SCAI: variants seen among roughly 807,000 people sequenced by gnomAD.
The protein encoded by SCAI is protein SCAI.
SCAI carries 24 observed loss-of-function variants against 92.2 expected under a neutral mutation model. The observed-to-expected ratio is 0.26, with a 90% CI of 0.19 to 0.37. The LOEUF is 0.37. Among genes scored for constraint, SCAI ranks in the 10% least tolerant of loss-of-function variants. The probability of loss-of-function intolerance (pLI) is 1.00; values close to 1 mark genes in which losing one functional copy is unlikely to be tolerated. For missense variants in SCAI, 450 were observed against 736.2 expected, an observed-to-expected ratio of 0.61 and a Z score of 4.50; for synonymous variants, 261 against 258.6, an observed-to-expected ratio of 1.01 and a Z score of -0.09.
intron 2 of SCAI, among the ~76,000 whole-genome samples, chr9:125,096,349 C>T (rs1174666739): frequency 6.6e-6 from 1 of 152,154 alleles, no homozygotes; most frequent in African/African-American, 2.4e-5. Flanking sequence ...TACCTCCCAC[C>T]GGGTCCCTCC....
chr9:125,079,112 T>G (rs553770190), intron 2 of SCAI, among the ~76,000 whole-genome samples: 26 of 152,298 alleles, frequency 1.7e-4, no homozygotes, highest in African/African-American at 6.0e-4. Flanking sequence ...GATATTCATC[T>G]ATTTTGATAA....
intron 2 of SCAI, among the ~76,000 whole-genome samples, chr9:125,084,211 C>T (rs1229214341): frequency 3.5e-5 from 4 of 112,926 alleles, no homozygotes; most frequent in Non-Finnish European, 4.9e-5. Context: ...CGCTCTTTTG[C>T]CCAGGCCGGA....
At chr9:125,050,291 G>A (rs1833535126) in intron 3 of SCAI, among the ~76,000 whole-genome samples, 1 of 152,000 alleles carries the variant, frequency 6.6e-6, no homozygotes, top group Non-Finnish European at 1.5e-5. Flanking sequence ...GTGGGCGCAG[G>A]GGGATAGCAA....
chr9:124,968,295 C>A, intron 17 of SCAI: 1 of 1,182,702 alleles, frequency 8.5e-7, no homozygotes. Flanking sequence ...GGCTGGGCAT[C>A]AAGCGTCTTC....
At chr9:125,062,549 G>C (rs1042919292) in intron 2 of SCAI, among the ~76,000 whole-genome samples, 12 of 151,278 alleles carry the variant, frequency 7.9e-5, no homozygotes, top group Admixed American at 7.9e-4. Context: ...AAAGGAGTTC[G>C]AGACCAGCCT....
chr9:125,103,046 C>G (rs17336754), intron 2 of SCAI, among the ~76,000 whole-genome samples: 2,204 of 152,244 alleles, frequency 0.014, 24 homozygotes, highest in Non-Finnish European at 0.023. Flanking sequence ...GGTCTACAGT[C>G]ATTTTTCCAC....
chr9:125,096,813 G>A (rs570498585), intron 2 of SCAI, among the ~76,000 whole-genome samples: 1 of 152,300 alleles, frequency 6.6e-6, no homozygotes, highest in African/African-American at 2.4e-5. Context: ...AATCAAACAT[G>A]TGGTTCTCTT....
At chr9:125,090,043 C>G (rs1834400030) in intron 2 of SCAI, among the ~76,000 whole-genome samples, 1 of 152,134 alleles carries the variant, frequency 6.6e-6, no homozygotes, top group Non-Finnish European at 1.5e-5. Flanking sequence ...TTAGCCTAGA[C>G]AGCAAGCATG....
chr9:125,107,714 G>A (rs923528151), intron 2 of SCAI, among the ~76,000 whole-genome samples: 1 of 152,196 alleles, frequency 6.6e-6, no homozygotes, highest in African/African-American at 2.4e-5. Context: ...GCTGCAGTGA[G>A]TTATGATTGT....
intron 2 of SCAI, among the ~76,000 whole-genome samples, chr9:125,094,995 T>C (rs913568270): frequency 1.3e-5 from 2 of 152,220 alleles, no homozygotes; most frequent in Non-Finnish European, 2.9e-5. Flanking sequence ...TTAATTACTT[T>C]CACACACGAA....
intron 17 of SCAI, among the ~76,000 whole-genome samples, chr9:124,966,585 A>G (rs1831546476): frequency 1.3e-5 from 2 of 152,174 alleles, no homozygotes; most frequent in Non-Finnish European, 1.5e-5. Flanking sequence ...ACTAGTGTCT[A>G]CATATATTTT....
intron 14 of SCAI, among the ~76,000 whole-genome samples, chr9:124,987,042 C>CT (rs377179832): frequency 9.2e-4 from 139 of 151,906 alleles, no homozygotes; most frequent in African/African-American, 3.1e-3. Flanking sequence ...GACTGAGGGC[C>CT]TTTTTTTTGA....
At chr9:125,032,195 A>ATATATTTTTTTTT (rs1177865840) in intron 3 of SCAI, among the ~76,000 whole-genome samples, 16 of 99,450 alleles carry the variant, frequency 1.6e-4, no homozygotes, top group African/African-American at 6.2e-4. Context: ...ATATATATAT[A>ATATATTTTTTTTT]TTTTTTTTTT....
intron 3 of SCAI, among the ~76,000 whole-genome samples, chr9:125,041,375 A>G (rs12343243): frequency 0.021 from 3,272 of 152,302 alleles, 179 homozygotes; most frequent in Admixed American, 0.13. Context: ...GCTGTTAGGA[A>G]GATTGTATTA....
intron 2 of SCAI, among the ~76,000 whole-genome samples, chr9:125,087,202 T>C (rs1171035309): frequency 6.6e-6 from 1 of 152,226 alleles, no homozygotes; most frequent in Non-Finnish European, 1.5e-5. Flanking sequence ...AAAGACATGT[T>C]ATAGCTAAAT....
chr9:125,092,132 A>T (rs796603429), intron 2 of SCAI, among the ~76,000 whole-genome samples: 15 of 8,128 alleles, frequency 1.8e-3, no homozygotes, highest in African/African-American at 7.6e-3. Context: ...TCCGTCTCTT[A>T]AAAAAAAAAA....
chr9:125,098,226 T>C (rs569302727), intron 2 of SCAI, among the ~76,000 whole-genome samples: 1 of 152,090 alleles, frequency 6.6e-6, no homozygotes, highest in South Asian at 2.1e-4. Context: ...GGATAATTTT[T>C]TTTTATTTTT....
At position 125,035,730 on chromosome 9, in the gene SCAI, C is replaced by T. The variant is rs999172951; in HGVS notation, c.231-5991G>A. On this transcript the variant is annotated intron_variant, in intron 3 of 17. Coordinates refer to ENST00000336505, the MANE Select transcript of SCAI (RefSeq NM_001144877.3). Reference sequence around the variant, plus strand: ...TATCATCTATGATCAGCATTTAAAACGTGTGCTGCCAGTAGTTGACAATAT... The same window carrying T: ...TATCATCTATGATCAGCATTTAAAATGTGTGCTGCCAGTAGTTGACAATAT... Among the ~76,000 whole-genome samples, 6 of 152,100 alleles carry T rather than the reference C, an allele frequency of 3.9e-5. No individual in the cohort carries two copies. In the South Asian group the frequency reaches 1.0e-3, roughly 26 times the overall value.
At chr9:125,081,649 T>C (rs1221434889) in intron 2 of SCAI, among the ~76,000 whole-genome samples, 1 of 152,164 alleles carries the variant, frequency 6.6e-6, no homozygotes, top group Non-Finnish European at 1.5e-5. Context: ...CTCAGCTCAC[T>C]GCAACCTCTG....
Sources: gnomAD v4.1 joint callset for allele counts (sites outside exome capture counted in the v4.1 genomes callset) on GRCh38, gnomAD v4.1.1 for gene constraint, MANE v1.5 for transcripts, NCBI Gene and HGNC (gene_info 2026-07-23, HGNC 2026-07-21) for gene names.